Variants in PPP2R2C observed in about 807,000 individuals in gnomAD.
PPP2R2C encodes the protein protein phosphatase 2 regulatory subunit Bgamma.
A neutral mutation model predicts 45.3 loss-of-function variants in PPP2R2C; 10 were observed. The ratio of observed to expected loss-of-function variants is 0.22; its 90% CI spans 0.14 to 0.37. The LOEUF is 0.37. PPP2R2C is among the 10% of genes least tolerant of loss of function. The pLI is 1.00. For synonymous variants in PPP2R2C, 257 were observed against 245.4 expected (o/e 1.05, Z -0.44); for missense variants, 308 against 619.7 (o/e 0.50, Z 5.34).
intron 1 of PPP2R2C, among the ~76,000 whole-genome samples, chr4:6,397,118 G>C (rs886860828): frequency 3.3e-5 from 5 of 152,244 alleles, no homozygotes; most frequent in Non-Finnish European, 5.9e-5. Context: ...CAACCTCAGA[G>C]CTTGGACTCC....
At chr4:6,397,594 G>T (rs1013471726) in intron 1 of PPP2R2C, among the ~76,000 whole-genome samples, 2 of 152,182 alleles carry the variant, frequency 1.3e-5, no homozygotes, top group African/African-American at 4.8e-5. Context: ...TGTGTACCAG[G>T]AATGGTTGGA....
At chr4:6,512,512 T>TTGGTGG (rs1213444911) in intron 2 of PPP2R2C, among the ~76,000 whole-genome samples, 5 of 12,844 alleles carry the variant, frequency 3.9e-4, no homozygotes, top group African/African-American at 1.4e-3. Flanking sequence ...GGTGGTGATG[T>TTGGTGG]TGGTGGTGGT....
intron 1 of PPP2R2C, among the ~76,000 whole-genome samples, chr4:6,456,640 G>A (rs1721052930): frequency 6.6e-6 from 1 of 152,194 alleles, no homozygotes; most frequent in Admixed American, 6.5e-5. Flanking sequence ...AGACAGGCTG[G>A]CTGGAGGGCT....
chr4:6,328,838 A>T lies in PPP2R2C; in HGVS notation c.1052+424T>A, dbSNP rs1732164795. Among the ~76,000 whole-genome samples the T allele has an allele frequency of 6.6e-6, 1 of 152,004 alleles. No homozygotes were observed. The highest frequency in any genetic ancestry group is 2.4e-5 in the African/African-American group (1 of 41,380). On this transcript the variant is annotated intron_variant, in intron 8 of 8. Coordinates refer to ENST00000382599, the MANE Select transcript of PPP2R2C (RefSeq NM_020416.4). The surrounding 1 kb of genome is among the most constrained non-coding windows in gnomAD (Gnocchi z 4.4). ...GGGAGACAGTAGTGGTGATGGGAGG[A>T]GGGGTGAGTAGACCGATGGTCAAAG... is the stretch of plus-strand genomic sequence containing the variant.
At chr4:6,455,964 A>T (rs1309083956) in intron 1 of PPP2R2C, among the ~76,000 whole-genome samples, 3 of 151,374 alleles carry the variant, frequency 2.0e-5, no homozygotes, top group Admixed American at 1.3e-4. Flanking sequence ...GCCATCTGTT[A>T]TGTCTCCCTC....
At chr4:6,455,179 C>A (rs1345216612) in intron 1 of PPP2R2C, among the ~76,000 whole-genome samples, 1 of 152,176 alleles carries the variant, frequency 6.6e-6, no homozygotes, top group African/African-American at 2.4e-5. Context: ...AAAAATCACC[C>A]AAACAAAAAT....
At chr4:6,546,613 C>A (rs1173859239) in intron 1 of PPP2R2C, among the ~76,000 whole-genome samples, 1 of 152,182 alleles carries the variant, frequency 6.6e-6, no homozygotes, top group African/African-American at 2.4e-5. Context: ...CTCTTTCCAA[C>A]CTCAGGGATG....
At chr4:6,523,999 C>T (rs747550958) in intron 2 of PPP2R2C, among the ~76,000 whole-genome samples, 7 of 152,094 alleles carry the variant, frequency 4.6e-5, no homozygotes, top group Non-Finnish European at 7.4e-5. Flanking sequence ...CTGCAACCTC[C>T]GCCTCCCAGG....
At chr4:6,447,667 A>T (rs1234003218) in intron 1 of PPP2R2C, among the ~76,000 whole-genome samples, 2 of 152,084 alleles carry the variant, frequency 1.3e-5, no homozygotes, top group African/African-American at 4.8e-5. Context: ...CATCTGTAAC[A>T]ACATCCTTCC....
intron 1 of PPP2R2C, among the ~76,000 whole-genome samples, chr4:6,540,560 G>C (rs942883439): frequency 6.6e-6 from 1 of 152,230 alleles, no homozygotes; most frequent in African/African-American, 2.4e-5. Flanking sequence ...TTGTATGGAT[G>C]GATGTCTTCA....
intron 1 of PPP2R2C, among the ~76,000 whole-genome samples, chr4:6,559,570 T>G (rs1334608700): frequency 1.3e-5 from 2 of 152,128 alleles, no homozygotes; most frequent in Non-Finnish European, 2.9e-5. Flanking sequence ...AAATCCCCCC[T>G]GCTGTGGACT....
At chr4:6,553,341 GA>G in intron 1 of PPP2R2C, among the ~76,000 whole-genome samples, 1 of 152,374 alleles carries the variant, frequency 6.6e-6, no homozygotes, top group African/African-American at 2.4e-5. Context: ...ACAGAGAGGT[GA>G]AAAATAGATC....
rs750844235 is a variant in PPP2R2C at position 6,347,846 on chromosome 4, G to A, written c.790C>T (p.Leu264Phe). 8 of 1,506,982 alleles carry A rather than the reference G, an allele frequency of 5.3e-6. No individual in the cohort carries two copies. Among genetic ancestry groups the A allele is most frequent in the East Asian group, 2.7e-5 (1 of 36,932 alleles). The allele number at this position is 1,506,982 out of a possible 1,614,324, so 93.4% of individuals were successfully genotyped here. The change falls in exon 6 of 9, where the codon CTC (leucine) becomes TTC (phenylalanine). Residue 264 changes from leucine to phenylalanine, a missense_variant and splice_region_variant. Coordinates refer to ENST00000382599, the MANE Select transcript of PPP2R2C (RefSeq NM_020416.4). ...AAALCDKHSKLFEEPEDPSNR... is the reference protein window; with the variant it reads ...AAALCDKHSKFFEEPEDPSNR... ...CCCACCCCCAGGCACCGGCACTTAC[G>A]CTTGGAATGCTTGTCACACAGGGCA...
intron 1 of PPP2R2C, among the ~76,000 whole-genome samples, chr4:6,423,000 T>C (rs1168868364): frequency 2.0e-5 from 3 of 152,136 alleles, no homozygotes; most frequent in Non-Finnish European, 4.4e-5. Context: ...TACACCCCAG[T>C]GAGAAGGGGT....
At chr4:6,333,851 C>G (rs929091427) in intron 6 of PPP2R2C, 120 bp from the exon 7 acceptor site, 1 of 1,096,996 alleles carries the variant, frequency 9.1e-7, no homozygotes. Flanking sequence ...TTCATTCATT[C>G]CTCAAACCTA....
chr4:6,369,435 C>T (rs1714617115), intron 5 of PPP2R2C, among the ~76,000 whole-genome samples: 1 of 152,202 alleles, frequency 6.6e-6, no homozygotes, highest in Admixed American at 6.5e-5. Flanking sequence ...AATTCAATTC[C>T]CTTTCAAAAG....
At chr4:6,357,815 G>A (rs969267241) in intron 5 of PPP2R2C, among the ~76,000 whole-genome samples, 5 of 152,174 alleles carry the variant, frequency 3.3e-5, no homozygotes, top group African/African-American at 7.2e-5. Context: ...AGCAAAGCGG[G>A]GTTTCTTCCA....
intron 2 of PPP2R2C, among the ~76,000 whole-genome samples, chr4:6,485,983 C>G (rs963420177): frequency 6.6e-6 from 1 of 151,810 alleles, no homozygotes. Flanking sequence ...AACTCAAGGC[C>G]ATTGATTAGG....
intron 1 of PPP2R2C, among the ~76,000 whole-genome samples, chr4:6,409,352 C>G (rs1718002038): frequency 6.6e-6 from 1 of 152,172 alleles, no homozygotes; most frequent in Non-Finnish European, 1.5e-5. Context: ...AGCTGACTCC[C>G]AGGCCAGAGA....
Sources: allele counts gnomAD v4.1 joint callset (sites outside exome capture counted in the v4.1 genomes callset), GRCh38; gene constraint gnomAD v4.1.1; non-coding constraint Gnocchi (gnomAD v3.1); transcripts MANE v1.5; gene names NCBI Gene and HGNC (gene_info 2026-07-23, HGNC 2026-07-21).